The following GRID2 variants were observed in gnomAD, a reference collection of about 807,000 sequenced individuals.
GRID2 encodes glutamate ionotropic receptor delta type subunit 2, also known as glutamate receptor ionotropic, delta-2.
Under a neutral mutation model 114.8 loss-of-function variants are expected in GRID2, and 33 were observed. The observed-to-expected ratio is 0.29, with a 90% CI of 0.22 to 0.38. GRID2 has a LOEUF of 0.38. Among genes scored for constraint, GRID2 ranks in the 10% least tolerant of loss-of-function variants. The pLI is 1.00. For synonymous variants in GRID2, 505 were observed against 449.9 expected (o/e 1.12, Z -1.55); for missense variants, 1,184 against 1,257.7 (o/e 0.94, Z 0.89).
intron 4 of GRID2, among the ~76,000 whole-genome samples, chr4:93,129,995 T>G (rs1579072104): frequency 6.6e-6 from 1 of 152,270 alleles, no homozygotes; most frequent in African/African-American, 2.4e-5. Context: ...ACCAATCTTT[T>G]CCCACCCTGC....
At position 93,050,509 on chromosome 4, in the gene GRID2, GGTGTGTGTGTGTGTGTGTGTGTGT is replaced by G. The variant is rs70942946; in HGVS notation, c.245-34464_245-34441del. ...CTTGACCAGACAAAGAATAATACCT[GGTGTGTGTGTGTGTGTGTGTGTGT>G]GTGTGTGTGTGTGTGTGTGTGGTGT... On this transcript the variant is annotated intron_variant, in intron 2 of 15. Transcript: ENST00000282020. Among the ~76,000 whole-genome samples, 1,052 of 144,122 alleles carry G rather than the reference GGTGTGTGTGTGTGTGTGTGTGTGT, an allele frequency of 7.3e-3. 6 individuals carry two copies. The highest frequency in any genetic ancestry group is 0.017 in the South Asian group (75 of 4,416). 94.5% of individuals were successfully genotyped at this position (144,122 alleles called of 152,430 possible).
chr4:93,515,356 A>G lies in GRID2; in HGVS notation c.2138A>G (p.Asn713Ser), dbSNP rs532544114. ...TATTCCCAAATGTGGCGGATGATCA[A>G]CCGAAGCAATGGATCGGAGAACAAT... The part of the protein sequence containing the change: ...SMYSQMWRMI[N>S]RSNGSENNVL... The change falls in exon 13 of 16, where the codon AAC becomes AGC. Residue 713 changes from asparagine (N) to serine (S), a missense_variant. Around this residue, in one of 3 missense-constraint regions of GRID2, gnomAD observed 717 missense variants for 796.9 expected, o/e 0.90. Coordinates refer to ENST00000282020, the MANE Select transcript of GRID2 (RefSeq NM_001510.4). 3.2e-5 allele frequency: 51 copies of G among 1,613,222 alleles called. 1 individual carries two copies. Among genetic ancestry groups the G allele is most frequent in the South Asian group, 4.4e-5 (4 of 91,072 alleles).
chr4:93,677,197 A>G (rs1056442997), intron 14 of GRID2, among the ~76,000 whole-genome samples: 1 of 152,194 alleles, frequency 6.6e-6, no homozygotes, highest in Non-Finnish European at 1.5e-5. Flanking sequence ...GTCTGAGATC[A>G]AACTGCAAGG....
At chr4:93,509,738 C>T (rs1190601012) in intron 12 of GRID2, among the ~76,000 whole-genome samples, 2 of 152,154 alleles carry the variant, frequency 1.3e-5, no homozygotes, top group East Asian at 3.9e-4. Context: ...GCCTGCCTTA[C>T]CCAAGCACCC....
chr4:92,651,142 T>C (rs1731908898), intron 2 of GRID2, among the ~76,000 whole-genome samples: 1 of 152,056 alleles, frequency 6.6e-6, no homozygotes, highest in Non-Finnish European at 1.5e-5. Context: ...GGCAGAAACA[T>C]TGTATGCCGG....
intron 1 of GRID2, among the ~76,000 whole-genome samples, chr4:92,482,223 C>A (rs1226377524): frequency 6.6e-6 from 1 of 151,104 alleles, no homozygotes; most frequent in East Asian, 2.0e-4. Context: ...GAATAGAAAA[C>A]CAAATATTGC....
chr4:92,805,646 T>A (rs907102801), intron 2 of GRID2, among the ~76,000 whole-genome samples: 1 of 152,068 alleles, frequency 6.6e-6, no homozygotes, highest in South Asian at 2.1e-4. Context: ...TAAAGGAAGA[T>A]GATTTGCTTG....
Position 93,772,735 on chromosome 4 carries a change from C to G in GRID2, c.*237C>G, listed in dbSNP as rs117278224. On this transcript the variant is annotated 3_prime_UTR_variant, in exon 16 of 16. Transcript: ENST00000282020. ...TTTTTTCATTACTCAACTTGTTCCC[C>G]AAGAAGGTAGTGTACTAGGATCCTA... The G allele has an allele frequency of 2.0e-3, 1,000 of 502,716 alleles. 14 individuals carry two copies. In the East Asian group the frequency reaches 0.021, roughly 11 times the overall value. The allele number at this position is 502,716 out of a possible 1,614,324, so 31.1% of individuals were successfully genotyped here.
At chr4:92,908,561 C>CAAAA (rs762037449) in intron 2 of GRID2, among the ~76,000 whole-genome samples, 4 of 35,942 alleles carry the variant, frequency 1.1e-4, no homozygotes, top group African/African-American at 3.5e-4. Context: ...GACTCCATCT[C>CAAAA]AAAAAAAAAA....
At chr4:92,484,690 T>G (rs1327914393) in intron 1 of GRID2, among the ~76,000 whole-genome samples, 3 of 152,070 alleles carry the variant, frequency 2.0e-5, no homozygotes, top group Admixed American at 6.6e-5. Context: ...AGATTCAGAC[T>G]AAAAATTCTG....
intron 1 of GRID2, among the ~76,000 whole-genome samples, chr4:92,492,888 G>C (rs1389390791): frequency 6.6e-6 from 1 of 152,064 alleles, no homozygotes; most frequent in Non-Finnish European, 1.5e-5. Flanking sequence ...CAGCACTTTT[G>C]GAGGCCTAGG....
intron 14 of GRID2, among the ~76,000 whole-genome samples, chr4:93,762,208 A>G (rs537443502): frequency 6.6e-6 from 1 of 152,238 alleles, no homozygotes; most frequent in Admixed American, 6.5e-5. Flanking sequence ...TCAGTGTGTG[A>G]AAAAAATAAC....
At chr4:93,724,914 G>C (rs924907280) in intron 14 of GRID2, among the ~76,000 whole-genome samples, 7 of 151,908 alleles carry the variant, frequency 4.6e-5, no homozygotes, top group African/African-American at 1.7e-4. Context: ...CGAGTAGCTG[G>C]GATTATAGGT....
At chr4:93,173,474 T>C (rs1739046582) in intron 4 of GRID2, among the ~76,000 whole-genome samples, 1 of 152,020 alleles carries the variant, frequency 6.6e-6, no homozygotes, top group African/African-American at 2.4e-5. Context: ...GAAATGGCAA[T>C]CAAGAAAGGC....
intron 2 of GRID2, among the ~76,000 whole-genome samples, chr4:92,845,565 A>T (rs981525474): frequency 6.6e-6 from 1 of 152,064 alleles, no homozygotes; most frequent in Non-Finnish European, 1.5e-5. Flanking sequence ...TAGTAAATAT[A>T]CCATCCTGCT....
chr4:93,219,722 C>T (rs936397733), intron 6 of GRID2, among the ~76,000 whole-genome samples: 13 of 152,078 alleles, frequency 8.5e-5, no homozygotes, highest in Non-Finnish European at 1.6e-4. Flanking sequence ...GTTTTTGCAA[C>T]ATATGTAACA....
chr4:92,844,446 G>A (rs1206064463), intron 2 of GRID2, among the ~76,000 whole-genome samples: 1 of 151,986 alleles, frequency 6.6e-6, no homozygotes, highest in Admixed American at 6.6e-5. Context: ...GGCTGAGGCA[G>A]GAGAATAACT....
intron 13 of GRID2, among the ~76,000 whole-genome samples, chr4:93,599,580 T>C (rs2149636756): frequency 6.6e-6 from 1 of 152,290 alleles, no homozygotes; most frequent in South Asian, 2.1e-4. Flanking sequence ...TTTGCTTCCA[T>C]CAATCTACTG....
chr4:93,467,626 T>C (rs1724419844), intron 11 of GRID2, among the ~76,000 whole-genome samples: 1 of 152,228 alleles, frequency 6.6e-6, no homozygotes, highest in Non-Finnish European at 1.5e-5. Flanking sequence ...ATTGTTGTAC[T>C]GATTAAAGGG....
Sources: allele counts gnomAD v4.1 joint callset (sites outside exome capture counted in the v4.1 genomes callset), GRCh38; gene constraint gnomAD v4.1.1; regional missense constraint gnomAD v4.1.1; transcripts MANE v1.5; gene names NCBI Gene and HGNC (gene_info 2026-07-23, HGNC 2026-07-21).